Variants in UNC5D observed in about 807,000 individuals in gnomAD.
UNC5D encodes netrin receptor UNC5D.
UNC5D carries 39 observed loss-of-function variants against 105.4 expected under a neutral mutation model. That is an observed-to-expected ratio of 0.37 (90% CI 0.29 to 0.48). The LOEUF (loss-of-function observed/expected upper bound fraction) is 0.48. Ranked by LOEUF, UNC5D falls within the 20% of genes least tolerant of loss-of-function variation. UNC5D has a pLI of 0.98. For missense variants in UNC5D, 991 were observed against 1,202.4 expected (o/e 0.82, Z 2.60); for synonymous variants, 452 against 450.4 (o/e 1.00, Z -0.04).
chr8:35,432,955 A>G (rs1001512665), intron 1 of UNC5D, among the ~76,000 whole-genome samples: 4 of 152,202 alleles, frequency 2.6e-5, no homozygotes, highest in South Asian at 2.1e-4. Flanking sequence ...TACAAAATAT[A>G]TTTACTGATT....
At chr8:35,627,745 A>T (rs1407099044) in intron 4 of UNC5D, among the ~76,000 whole-genome samples, 1 of 152,140 alleles carries the variant, frequency 6.6e-6, no homozygotes, top group Admixed American at 6.5e-5. Context: ...CCTGGGCAAC[A>T]TATTAGACCC....
At chr8:35,346,285 T>C (rs1160424213) in intron 1 of UNC5D, among the ~76,000 whole-genome samples, 1 of 152,058 alleles carries the variant, frequency 6.6e-6, no homozygotes, top group Admixed American at 6.6e-5. Flanking sequence ...TAATGACTAG[T>C]ATATATTTAT....
intron 12 of UNC5D, 50 bp from the exon 13 acceptor site, chr8:35,750,532 A>G: frequency 6.4e-7 from 1 of 1,565,986 alleles, no homozygotes; most frequent in Non-Finnish European, 8.8e-7. Context: ...TATAAAGGTT[A>G]GATCACATCT....
chr8:35,463,158 A>C (rs1024106742), intron 1 of UNC5D, among the ~76,000 whole-genome samples: 1 of 152,218 alleles, frequency 6.6e-6, no homozygotes, highest in African/African-American at 2.4e-5. Flanking sequence ...GTTCCCACAA[A>C]CTAAAATCAT....
intron 1 of UNC5D, among the ~76,000 whole-genome samples, chr8:35,312,385 A>G (rs530966319): frequency 5.9e-5 from 9 of 152,342 alleles, no homozygotes; most frequent in Admixed American, 2.0e-4. Flanking sequence ...ATTCTCTGCC[A>G]AGATAAAACA....
At chr8:35,604,189 T>C (rs1424134918) in intron 4 of UNC5D, among the ~76,000 whole-genome samples, 1 of 152,182 alleles carries the variant, frequency 6.6e-6, no homozygotes, top group East Asian at 1.9e-4. Flanking sequence ...TACCGGTTGT[T>C]CCTTTCCATG....
chr8:35,714,829 A>C (rs1586511094), intron 8 of UNC5D, among the ~76,000 whole-genome samples: 1 of 152,224 alleles, frequency 6.6e-6, no homozygotes, highest in African/African-American at 2.4e-5. Flanking sequence ...GTGATCATGC[A>C]ACCTGAGTAT....
chr8:35,673,712 C>A (rs1824993798), intron 4 of UNC5D, among the ~76,000 whole-genome samples: 1 of 152,086 alleles, frequency 6.6e-6, no homozygotes, highest in South Asian at 2.1e-4. Flanking sequence ...TCCTCATGAT[C>A]ACAAGATGGC....
At chr8:35,305,123 T>C (rs559602846) in intron 1 of UNC5D, among the ~76,000 whole-genome samples, 1 of 152,256 alleles carries the variant, frequency 6.6e-6, no homozygotes, top group East Asian at 1.9e-4. Flanking sequence ...AAGCAAATTA[T>C]GATAGCGGTC....
chr8:35,595,613 A>G lies in UNC5D; in HGVS notation c.526A>G (p.Ile176Val), dbSNP rs745394562. 1 of 1,614,092 alleles carries G rather than the reference A, an allele frequency of 6.2e-7. No homozygotes were observed. Among genetic ancestry groups the G allele is most frequent in the Non-Finnish European group, 8.5e-7 (1 of 1,179,994 alleles). ...AAGGGAAGTTCCCATTGAAGGCATGATTGTACTGCACTGCCGCCCACCAGA... is the reference window on the plus strand; with the variant it reads ...AAGGGAAGTTCCCATTGAAGGCATGGTTGTACTGCACTGCCGCCCACCAGA... ...QGREVPIEGM[I>V]VLHCRPPEGV... Residue 176 changes from isoleucine to valine, a missense_variant, in exon 4 of 17, where the codon ATT (isoleucine) becomes GTT (valine). By Grantham distance (29) the Ile-to-Val change is conservative. Around this residue, in one of 3 missense-constraint regions of UNC5D, gnomAD observed 944 missense variants for 1,131.6 expected, o/e 0.83. Coordinates refer to ENST00000404895, the MANE Select transcript of UNC5D (RefSeq NM_080872.4).
intron 2 of UNC5D, among the ~76,000 whole-genome samples, 194 bp downstream of exon 2, chr8:35,549,704 A>G (rs1302405704): frequency 6.6e-6 from 1 of 152,190 alleles, no homozygotes; most frequent in Non-Finnish European, 1.5e-5. Context: ...CCCTTCCGAT[A>G]TGATGCAGAG....
chr8:35,415,904 C>T (rs1805499039), intron 1 of UNC5D, among the ~76,000 whole-genome samples: 1 of 152,074 alleles, frequency 6.6e-6, no homozygotes, highest in African/African-American at 2.4e-5. Flanking sequence ...ATCTGAAAGA[C>T]CTGAGTTTGA....
chr8:35,606,470 A>G (rs558020565), intron 4 of UNC5D, among the ~76,000 whole-genome samples: 1 of 152,282 alleles, frequency 6.6e-6, no homozygotes, highest in South Asian at 2.1e-4. Flanking sequence ...CAGGTTTATT[A>G]TATGGGTAAA....
At chr8:35,674,226 T>G (rs2131292238) in intron 4 of UNC5D, among the ~76,000 whole-genome samples, 1 of 152,336 alleles carries the variant, frequency 6.6e-6, no homozygotes, top group South Asian at 2.1e-4. Flanking sequence ...TTTCAAAATT[T>G]TCTTTAATGG....
chr8:35,627,683 C>T (rs1194575691), intron 4 of UNC5D, among the ~76,000 whole-genome samples: 1 of 152,196 alleles, frequency 6.6e-6, no homozygotes, highest in African/African-American at 2.4e-5. Flanking sequence ...AATCCCAGCA[C>T]TTTGGGAGGC....
intron 4 of UNC5D, among the ~76,000 whole-genome samples, chr8:35,611,556 G>T (rs1360589272): frequency 6.6e-6 from 1 of 152,192 alleles, no homozygotes; most frequent in African/African-American, 2.4e-5. Context: ...TAGGTCGCAT[G>T]AATTTTTTAC....
intron 1 of UNC5D, among the ~76,000 whole-genome samples, chr8:35,310,545 A>G (rs1305925299): frequency 6.6e-6 from 1 of 152,116 alleles, no homozygotes; most frequent in Non-Finnish European, 1.5e-5. Context: ...GCTTGAACCC[A>G]GGAGGCTGAG....
At chr8:35,384,987 C>T (rs947514212) in intron 1 of UNC5D, among the ~76,000 whole-genome samples, 10 of 152,160 alleles carry the variant, frequency 6.6e-5, no homozygotes, top group African/African-American at 2.4e-4. Context: ...AGGTCTAGGT[C>T]CTTCATACCG....
chr8:35,570,782 C>T (rs1192571130), intron 3 of UNC5D, among the ~76,000 whole-genome samples: 1 of 151,356 alleles, frequency 6.6e-6, no homozygotes, highest in African/African-American at 2.4e-5. Flanking sequence ...GGAGAAACCC[C>T]ATCTCTACTG....
Sources: allele counts gnomAD v4.1 joint callset (sites outside exome capture counted in the v4.1 genomes callset), GRCh38; gene constraint gnomAD v4.1.1; regional missense constraint gnomAD v4.1.1; transcripts MANE v1.5; gene names NCBI Gene and HGNC (gene_info 2026-07-23, HGNC 2026-07-21).